ROR1: variants seen among roughly 807,000 people sequenced by gnomAD.
ROR1 encodes ROR family WNT receptor 1.
ROR1 carries 19 observed loss-of-function variants against 78.8 expected under a neutral mutation model. That is an observed-to-expected ratio of 0.24 (90% CI 0.17 to 0.35). ROR1 has a LOEUF of 0.35. Ranked by LOEUF, ROR1 falls within the 10% of genes least tolerant of loss-of-function variation. The probability of loss-of-function intolerance (pLI) is 1.00; values close to 1 mark genes in which losing one functional copy is unlikely to be tolerated. For missense variants in ROR1, 917 were observed against 1,177.8 expected (o/e 0.78, Z 3.24); for synonymous variants, 386 against 433.6 (o/e 0.89, Z 1.36).
At chr1:64,145,495 C>T (rs1649449394) in intron 7 of ROR1, among the ~76,000 whole-genome samples, 1 of 152,158 alleles carries the variant, frequency 6.6e-6, no homozygotes, top group South Asian at 2.1e-4. Flanking sequence ...GATCACCACA[C>T]CCCCTTTGTG....
intron 4 of ROR1, among the ~76,000 whole-genome samples, chr1:64,057,753 A>C (rs1178204311): frequency 6.6e-6 from 1 of 152,208 alleles, no homozygotes; most frequent in Non-Finnish European, 1.5e-5. Flanking sequence ...GCCAGTTGAT[A>C]TGTAAAACTA....
intron 7 of ROR1, among the ~76,000 whole-genome samples, chr1:64,157,268 G>A (rs1649800919): frequency 6.6e-6 from 1 of 152,044 alleles, no homozygotes. Flanking sequence ...CTCTCAAGTA[G>A]CCAGGACTAC....
chr1:64,110,920 A>G (rs1201332639), intron 4 of ROR1: 1 of 152,032 alleles, frequency 6.6e-6, no homozygotes, highest in Non-Finnish European at 1.5e-5. Context: ...TGAATTTCTG[A>G]TCCAAATCTT....
At chr1:64,038,890 C>T (rs1481261737) in intron 2 of ROR1, among the ~76,000 whole-genome samples, 1 of 152,180 alleles carries the variant, frequency 6.6e-6, no homozygotes. Flanking sequence ...AAGTTCACGG[C>T]CTTGTGTGTT....
At chr1:64,063,348 G>A (rs1470040821) in intron 4 of ROR1, among the ~76,000 whole-genome samples, 1 of 152,174 alleles carries the variant, frequency 6.6e-6, no homozygotes, top group East Asian at 1.9e-4. Context: ...CCTGACTTTT[G>A]ATAGAAAGGA....
intron 1 of ROR1, among the ~76,000 whole-genome samples, chr1:64,003,096 T>C (rs975306193): frequency 4.6e-5 from 7 of 152,156 alleles, no homozygotes; most frequent in African/African-American, 1.7e-4. Context: ...ATAATAAAGG[T>C]ACCTACCTTA....
intron 4 of ROR1, among the ~76,000 whole-genome samples, chr1:64,101,344 T>A (rs976991040): frequency 1.3e-5 from 2 of 152,140 alleles, no homozygotes; most frequent in African/African-American, 2.4e-5. Flanking sequence ...TGGGAGCCCA[T>A]AGTTAAGCTG....
chr1:63,823,840 C>G, intron 1 of ROR1, among the ~76,000 whole-genome samples: 1 of 152,018 alleles, frequency 6.6e-6, no homozygotes, highest in African/African-American at 2.4e-5. Flanking sequence ...CTCTGCCTCC[C>G]GGGTTCAAGC....
chr1:63,826,650 G>A (rs1429384060), intron 1 of ROR1, among the ~76,000 whole-genome samples: 1 of 151,848 alleles, frequency 6.6e-6, no homozygotes, highest in East Asian at 1.9e-4. Flanking sequence ...CCATTTTTAG[G>A]TCTTTGAGGA....
intron 8 of ROR1, 49 bp from the exon 9 acceptor site, chr1:64,177,379 C>T: frequency 7.0e-7 from 1 of 1,426,914 alleles, no homozygotes; most frequent in Non-Finnish European, 9.6e-7. Flanking sequence ...GCAAAGCTGT[C>T]TTGCCTGAAG....
chr1:63,989,975 T>C (rs1337090238), intron 1 of ROR1, among the ~76,000 whole-genome samples: 2 of 152,176 alleles, frequency 1.3e-5, no homozygotes, highest in Admixed American at 6.5e-5. Flanking sequence ...CTTGCTTTCA[T>C]TGAGTTTAGG....
chr1:64,137,113 A>C (rs1175639770), intron 4 of ROR1, among the ~76,000 whole-genome samples: 8 of 152,214 alleles, frequency 5.3e-5, no homozygotes, highest in Non-Finnish European at 1.2e-4. Context: ...CAGCTGCGAA[A>C]ATAAAAGCAT....
At chr1:63,820,573 A>C (rs936015793) in intron 1 of ROR1, among the ~76,000 whole-genome samples, 1 of 152,164 alleles carries the variant, frequency 6.6e-6, no homozygotes, top group Non-Finnish European at 1.5e-5. Flanking sequence ...CATTTCTGCT[A>C]TATGCAGATT....
intron 1 of ROR1, among the ~76,000 whole-genome samples, chr1:63,970,850 A>G (rs751619330): frequency 9.9e-5 from 15 of 152,248 alleles, no homozygotes; most frequent in Non-Finnish European, 1.9e-4. Flanking sequence ...GGCACAGAGC[A>G]GAAGTGGTGG....
At chr1:63,890,346 G>C (rs1451998095) in intron 1 of ROR1, among the ~76,000 whole-genome samples, 1 of 151,048 alleles carries the variant, frequency 6.6e-6, no homozygotes, top group Non-Finnish European at 1.5e-5. Flanking sequence ...TAGGTTAAGG[G>C]AATTTGTTAT....
At chr1:64,141,681 G>A (rs560188578) in intron 6 of ROR1, among the ~76,000 whole-genome samples, 1 of 152,084 alleles carries the variant, frequency 6.6e-6, no homozygotes, top group East Asian at 1.9e-4. Flanking sequence ...AATCTCACCG[G>A]CAATTTTTCA....
At chr1:63,983,344 G>C (rs72912859) in intron 1 of ROR1, among the ~76,000 whole-genome samples, 4,271 of 152,258 alleles carry the variant, frequency 0.028, 221 homozygotes, top group African/African-American at 0.099. Flanking sequence ...CAAGTCCTCT[G>C]CCCTGGATCT....
chr1:64,050,769 T>A, intron 4 of ROR1, 53 bp downstream of exon 4: 2 of 1,572,628 alleles, frequency 1.3e-6, no homozygotes, highest in Non-Finnish European at 1.8e-6. Flanking sequence ...TCCGTGGTTT[T>A]CTAGGGCAAA....
chr1:64,008,281 C>T (rs1646445857), intron 1 of ROR1, among the ~76,000 whole-genome samples: 1 of 152,176 alleles, frequency 6.6e-6, no homozygotes, highest in Non-Finnish European at 1.5e-5. Context: ...CATGTTGCTA[C>T]AAAGGACATG....
Sources: gnomAD v4.1 joint callset for allele counts (sites outside exome capture counted in the v4.1 genomes callset) on GRCh38, gnomAD v4.1.1 for gene constraint, MANE v1.5 for transcripts, NCBI Gene and HGNC (gene_info 2026-07-23, HGNC 2026-07-21) for gene names.